Variants in TEX10 observed in about 807,000 individuals in gnomAD.
TEX10 encodes the protein testis expressed 10.
In TEX10, 24 loss-of-function variants were observed where a neutral mutation model predicts 104.4. The ratio of observed to expected loss-of-function variants is 0.23; its 90% confidence interval spans 0.17 to 0.32. The LOEUF (loss-of-function observed/expected upper bound fraction) is 0.32. Ranked by LOEUF, TEX10 falls within the 10% of genes least tolerant of loss-of-function variation. TEX10 has a pLI of 1.00. For missense variants in TEX10, 921 were observed against 1,083.9 expected, an observed-to-expected ratio of 0.85 and a Z score of 2.11; for synonymous variants, 396 against 393.4, an observed-to-expected ratio of 1.01 and a Z score of -0.08.
intron 13 of TEX10, chr9:100,304,187 A>C (rs1328139911): frequency 3.2e-6 from 1 of 312,888 alleles, no homozygotes; most frequent in African/African-American, 2.1e-5. Context: ...AGCAACCTAC[A>C]GATTCAACTG....
chr9:100,310,463 G>C, intron 11 of TEX10, 84 bp from the exon 12 acceptor site: 1 of 1,283,122 alleles, frequency 7.8e-7, no homozygotes, highest in Non-Finnish European at 1.1e-6. Context: ...TTTTGAGACA[G>C]AGTTTCACTC....
intron 11 of TEX10, among the ~76,000 whole-genome samples, chr9:100,310,830 T>C (rs965977369): frequency 3.3e-5 from 5 of 152,192 alleles, no homozygotes; most frequent in African/African-American, 9.7e-5. Context: ...ATCAAACAAA[T>C]AGACCTTATA....
At chr9:100,330,218 T>G (rs1397098185) in intron 5 of TEX10, 49 bp from the exon 6 acceptor site, 1 of 1,298,616 alleles carries the variant, frequency 7.7e-7, no homozygotes, top group Non-Finnish European at 1.1e-6. Context: ...CTACCATGCC[T>G]GCTTCATTAG....
At position 100,329,944 on chromosome 9, in the gene TEX10, T is replaced by C. The variant is rs1327455655; in HGVS notation, c.1476A>G (p.Ile492Met). ...LLGVSWRLMQ[I>M]QPNREDTETL... ...AGCATCACCTACCTCTGTTTGGCTG[T>C]ATTTGCATTAACCTCCAGGATACTC... The change falls in exon 6 of 15, where the codon ATA (isoleucine) becomes ATG (methionine). Residue 492 changes from isoleucine (I) to methionine (M), a missense_variant. By Grantham distance (10) the Ile-to-Met change is conservative. This residue lies in a region of TEX10 where 753 missense variants were observed against 868.4 expected (regional missense o/e 0.87). Transcript: ENST00000374902. The C allele has an allele frequency of 1.2e-6, 2 of 1,611,252 alleles. No individual in the cohort carries two copies. The highest frequency in any genetic ancestry group is 8.5e-7 in the Non-Finnish European group (1 of 1,178,158).
chr9:100,339,274 A>AAAAAAAAAT (rs1835101688), intron 5 of TEX10, among the ~76,000 whole-genome samples: 2 of 91,702 alleles, frequency 2.2e-5, no homozygotes, highest in African/African-American at 4.6e-5. Flanking sequence ...AAAAAAAAAA[A>AAAAAAAAAT]GTATATATAT....
intron 1 of TEX10, among the ~76,000 whole-genome samples, chr9:100,350,263 A>G (rs1231069356): frequency 6.6e-6 from 1 of 151,770 alleles, no homozygotes; most frequent in Non-Finnish European, 1.5e-5. Flanking sequence ...ACCATTCAAT[A>G]CCTTCCCCAC....
chr9:100,302,409 T>C, intron 14 of TEX10, 105 bp from the exon 15 acceptor site: 1 of 687,038 alleles, frequency 1.5e-6, no homozygotes. Context: ...TTGGCAACTG[T>C]ATCCCCATCT....
chr9:100,311,776 T>G (rs373089983), intron 11 of TEX10, among the ~76,000 whole-genome samples: 1 of 152,058 alleles, frequency 6.6e-6, no homozygotes, highest in Non-Finnish European at 1.5e-5. Flanking sequence ...TTCACAGATA[T>G]CAGTCACAGC....
chr9:100,308,362 G>C (rs1834191354), intron 13 of TEX10, 138 bp downstream of exon 13: 1 of 685,798 alleles, frequency 1.5e-6, no homozygotes, highest in African/African-American at 1.9e-5. Context: ...GAAAAAGCTA[G>C]CTAGGCTGAC....
At chr9:100,344,091 T>C (rs1166837086) in intron 4 of TEX10, among the ~76,000 whole-genome samples, 1 of 152,214 alleles carries the variant, frequency 6.6e-6, no homozygotes, top group Non-Finnish European at 1.5e-5. Context: ...TAAATAATGG[T>C]TCTTATCAAG....
At chr9:100,326,281 C>T (rs1049589541) in intron 9 of TEX10, 21 bp downstream of exon 9, 3 of 1,607,376 alleles carry the variant, frequency 1.9e-6, no homozygotes, top group Non-Finnish European at 8.5e-7. Flanking sequence ...ACTTAAAATA[C>T]AGCTCACTTG....
At chr9:100,329,064 CTA>C (rs1474850525) in intron 7 of TEX10, 74 bp downstream of exon 7, 1 of 1,399,898 alleles carries the variant, frequency 7.1e-7, no homozygotes, top group African/African-American at 1.5e-5. Context: ...TTTAATCTCT[CTA>C]AAATTATTTA....
chr9:100,345,184 T>C (rs886078044), intron 4 of TEX10, among the ~76,000 whole-genome samples: 2 of 152,226 alleles, frequency 1.3e-5, no homozygotes, highest in Non-Finnish European at 2.9e-5. Context: ...AAATGCCATC[T>C]TATTTGAAAA....
chr9:100,335,233 C>T (rs796964183), intron 5 of TEX10, among the ~76,000 whole-genome samples: 7 of 152,228 alleles, frequency 4.6e-5, no homozygotes, highest in African/African-American at 9.6e-5. Context: ...GGAGAAGTCT[C>T]GCTCTGTCGC....
intron 5 of TEX10, among the ~76,000 whole-genome samples, chr9:100,338,059 T>C (rs1220192608): frequency 6.6e-6 from 1 of 152,142 alleles, no homozygotes; most frequent in African/African-American, 2.4e-5. Context: ...GACCCTGGGG[T>C]TGGGACTCTG....
At chr9:100,331,843 G>C (rs1322813993) in intron 5 of TEX10, among the ~76,000 whole-genome samples, 1 of 152,164 alleles carries the variant, frequency 6.6e-6, no homozygotes, top group Non-Finnish European at 1.5e-5. Context: ...GGTCAATACT[G>C]GTATGAACTG....
chr9:100,304,139 G>A, intron 13 of TEX10: 2 of 422,948 alleles, frequency 4.7e-6, no homozygotes, highest in South Asian at 4.7e-5. Flanking sequence ...CTCATGAATT[G>A]GAATAATCAG....
intron 10 of TEX10, 36 bp downstream of exon 10, chr9:100,321,647 T>C (rs1341726939): frequency 1.3e-6 from 2 of 1,541,146 alleles, no homozygotes; most frequent in Admixed American, 3.5e-5. Flanking sequence ...CATATTAGGT[T>C]TTTTCTTTTT....
intron 13 of TEX10, chr9:100,304,277 C>T (rs1834089419): frequency 4.5e-6 from 1 of 224,258 alleles, no homozygotes; most frequent in African/African-American, 2.3e-5. Flanking sequence ...CCAAAAAAGC[C>T]AGAATGGCCA....
Sources: gnomAD v4.1 joint callset for allele counts (sites outside exome capture counted in the v4.1 genomes callset) on GRCh38, gnomAD v4.1.1 for gene constraint, gnomAD v4.1.1 regional missense constraint, MANE v1.5 for transcripts, NCBI Gene and HGNC (gene_info 2026-07-23, HGNC 2026-07-21) for gene names.